Variants in THNSL1 observed in about 807,000 individuals in gnomAD.
The protein encoded by THNSL1 is threonine synthase like 1.
In THNSL1, 48 loss-of-function variants were observed where a neutral mutation model predicts 50.4. The observed-to-expected ratio is 0.95, with a 90% CI of 0.76 to 1.21. The LOEUF is 1.21. Among genes scored for constraint, THNSL1 ranks in the 50% most tolerant of loss-of-function variants. The probability of loss-of-function intolerance (pLI) is 0.00; values close to 1 mark genes in which losing one functional copy is unlikely to be tolerated. For synonymous variants in THNSL1, 309 were observed against 306.1 expected, an observed-to-expected ratio of 1.01 and a Z score of -0.10; for missense variants, 896 against 871.7, an observed-to-expected ratio of 1.03 and a Z score of -0.35.
chr10:24,987,715 G>T, the THNSL1 span, among the ~76,000 whole-genome samples: 1 of 152,154 alleles, frequency 6.6e-6, no homozygotes, highest in Admixed American at 6.5e-5. Flanking sequence ...TATGTGTTCT[G>T]TAGTGGGGGA....
the THNSL1 span, among the ~76,000 whole-genome samples, chr10:24,973,965 G>A: frequency 1.3e-5 from 2 of 152,096 alleles, no homozygotes; most frequent in African/African-American, 4.8e-5. Context: ...TTTTCGCCAG[G>A]CTGGACTCAA....
Position 25,025,360 on chromosome 10 carries a change from A to G in THNSL1, c.2137A>G (p.Lys713Glu), listed in dbSNP as rs770716895. ...PLHEALLERT[K>E]QQEKMEYQVC... ...GCATGAGGCTTTATTAGAGAGAACA[A>G]AACAGCAAGAGAAGATGGAGTACCA... Residue 713 changes from lysine to glutamate, a missense_variant, in exon 3 of 3, where the codon AAA (lysine) becomes GAA (glutamate). Physicochemically the swap from Lys to Glu is moderately conservative, Grantham distance 56. Coordinates refer to ENST00000376356, the MANE Select transcript of THNSL1 (RefSeq NM_024838.5). 1.2e-6 allele frequency: 2 copies of G among 1,614,118 alleles called. No individual in the cohort carries two copies. The highest frequency in any genetic ancestry group is 1.7e-6 in the Non-Finnish European group (2 of 1,180,046).
At chr10:24,982,267 T>C in the THNSL1 span, 44 of 152,182 alleles carry the variant, frequency 2.9e-4, no homozygotes, top group African/African-American at 1.0e-3. Flanking sequence ...CTATGTAGGA[T>C]GAGAGAAAGA....
chr10:24,972,372 G>A, the THNSL1 span, among the ~76,000 whole-genome samples: 24 of 151,958 alleles, frequency 1.6e-4, no homozygotes, highest in East Asian at 4.1e-3. Context: ...GCCAGGTGTG[G>A]TGGCGGGTGC....
chr10:25,017,540 A>G (rs1006930397), intron 1 of THNSL1, among the ~76,000 whole-genome samples: 1 of 152,122 alleles, frequency 6.6e-6, no homozygotes, highest in Non-Finnish European at 1.5e-5. Context: ...TAGTTCCTGT[A>G]TAAAAAGGCT....
chr10:25,019,541 C>T (rs985426987), intron 1 of THNSL1, among the ~76,000 whole-genome samples: 3 of 152,154 alleles, frequency 2.0e-5, no homozygotes, highest in African/African-American at 7.2e-5. Flanking sequence ...CAAATTAGTA[C>T]AACAGCTCTG....
chr10:24,979,407 A>G, the THNSL1 span, among the ~76,000 whole-genome samples: 2 of 152,202 alleles, frequency 1.3e-5, no homozygotes, highest in Non-Finnish European at 2.9e-5. Flanking sequence ...TCCTACTCAG[A>G]GTCAGGAGAA....
At chr10:24,977,184 T>C in the THNSL1 span, among the ~76,000 whole-genome samples, 3 of 152,228 alleles carry the variant, frequency 2.0e-5, no homozygotes, top group African/African-American at 2.4e-5. Flanking sequence ...CTGATCTCTG[T>C]AGGCTGTGAC....
rs1415279607 is a variant in THNSL1 at position 25,024,198 on chromosome 10, A to G, written c.975A>G (p.Ser325=). The change falls in exon 3 of 3, where the codon TCA becomes TCG. Residue 325 remains serine, a synonymous_variant. Coordinates refer to ENST00000376356, the MANE Select transcript of THNSL1 (RefSeq NM_024838.5). ...CTTATGGGGAAAACTTTGCCTGCTCAAAAATTGCTCCTGTCAGGCACCTTT... is the reference window on the plus strand; with the variant it reads ...CTTATGGGGAAAACTTTGCCTGCTCGAAAATTGCTCCTGTCAGGCACCTTT... ...ETAYGENFAC[S]KIAPVRHLSG... 6.2e-7 allele frequency: 1 copy of G among 1,614,120 alleles called. No homozygotes were observed. The highest frequency in any genetic ancestry group is 8.5e-7 in the Non-Finnish European group (1 of 1,180,042).
the THNSL1 span, among the ~76,000 whole-genome samples, chr10:24,991,781 C>A: frequency 6.6e-6 from 1 of 152,206 alleles, no homozygotes; most frequent in Non-Finnish European, 1.5e-5. Flanking sequence ...GCCCTCTGTC[C>A]TTGTCATAAG....
the THNSL1 span, among the ~76,000 whole-genome samples, chr10:24,988,047 C>T: frequency 6.6e-6 from 1 of 151,578 alleles, no homozygotes; most frequent in Non-Finnish European, 1.5e-5. Flanking sequence ...ACAGCGAAAC[C>T]CCATCTTTAC....
chr10:24,960,616 A>C, the THNSL1 span, among the ~76,000 whole-genome samples: 1 of 151,858 alleles, frequency 6.6e-6, no homozygotes, highest in African/African-American at 2.4e-5. Context: ...TAATAGAGAC[A>C]GGGTTTTACC....
Position 25,023,098 on chromosome 10 carries a change from T to C in THNSL1, c.-48-78T>C, listed in dbSNP as rs868432384. The C allele has an allele frequency of 7.2e-5, 63 of 877,934 alleles. No homozygotes were observed. The African/African-American group carries it at 8.0e-4, about 11-fold the overall frequency. 54.4% of individuals were successfully genotyped at this position (877,934 alleles called of 1,614,324 possible). The stretch of plus-strand genomic sequence containing the variant: ...ATGGGCATGGTTATATTCAGTCCTA[T>C]TGGGATTTTAACAATCTACTGTAAT... On this transcript the variant is annotated intron_variant, in intron 2 of 2. Coordinates refer to ENST00000376356, the MANE Select transcript of THNSL1 (RefSeq NM_024838.5).
intron 2 of THNSL1, among the ~76,000 whole-genome samples, chr10:25,022,551 TAAGA>T (rs750573692): frequency 6.6e-6 from 1 of 152,230 alleles, no homozygotes; most frequent in Non-Finnish European, 1.5e-5. Flanking sequence ...AAAAGGCACA[TAAGA>T]AAGAAAATGT....
the THNSL1 span, chr10:24,952,447 C>T: frequency 6.8e-7 from 1 of 1,464,722 alleles, no homozygotes; most frequent in South Asian, 1.2e-5. The surrounding 1 kb of genome is among the most constrained non-coding windows in gnomAD (Gnocchi z 5.1). Flanking sequence ...CCCCGACGCA[C>T]GGCAAGCATT....
rs1262520461 is a variant in THNSL1, at chr10:25,023,444, T to A, written c.221T>A (p.Ile74Lys). The A allele has an allele frequency of 6.2e-7, 1 of 1,614,118 alleles. No individual in the cohort carries two copies. The highest frequency in any genetic ancestry group is 1.7e-5 in the Admixed American group (1 of 60,022). The change falls in exon 3 of 3, where the codon ATA (isoleucine) becomes AAA (lysine). Residue 74 changes from isoleucine (I) to lysine (K), a missense_variant. Coordinates refer to ENST00000376356, the MANE Select transcript of THNSL1 (RefSeq NM_024838.5). ...GCTGGGAAAACAACAGTAGGCAGAA[T>A]AATAGGTCAGAAACTAGGTTGTTGT... ...PGAGKTTVGR[I>K]IGQKLGCCVI... is the part of the protein sequence containing the mutation.
the THNSL1 span, among the ~76,000 whole-genome samples, chr10:24,986,455 C>T: frequency 6.6e-6 from 1 of 152,144 alleles, no homozygotes; most frequent in Non-Finnish European, 1.5e-5. Flanking sequence ...ACAGTGTATG[C>T]GATGTATTCC....
At chr10:24,980,322 G>A in the THNSL1 span, among the ~76,000 whole-genome samples, 1 of 151,880 alleles carries the variant, frequency 6.6e-6, no homozygotes, top group Non-Finnish European at 1.5e-5. Context: ...TCTGCTTGGA[G>A]TTCTTTCCCC....
intron 1 of THNSL1, among the ~76,000 whole-genome samples, chr10:25,017,035 C>A (rs1343826914): frequency 2.0e-5 from 3 of 152,192 alleles, no homozygotes; most frequent in African/African-American, 4.8e-5. Context: ...CGCCCCTGCT[C>A]CCGGGACCGC....
Sources: gnomAD v4.1 joint callset for allele counts (sites outside exome capture counted in the v4.1 genomes callset) on GRCh38, gnomAD v4.1.1 for gene constraint, Gnocchi (gnomAD v3.1) non-coding constraint, MANE v1.5 for transcripts, NCBI Gene and HGNC (gene_info 2026-07-23, HGNC 2026-07-21) for gene names.